Variants in SGCZ observed in about 807,000 individuals in gnomAD.
The protein encoded by SGCZ is sarcoglycan zeta.
A neutral mutation model predicts 41.3 loss-of-function variants in SGCZ; 40 were observed. The ratio of observed to expected loss-of-function variants is 0.97; its 90% CI spans 0.75 to 1.26. The LOEUF is 1.26. Among genes scored for constraint, SGCZ ranks in the 50% most tolerant of loss-of-function variants. The pLI, the probability that SGCZ is intolerant of heterozygous loss-of-function variation, is 0.00. For synonymous variants in SGCZ, 206 were observed against 137.5 expected (o/e 1.50, Z -3.49); for missense variants, 552 against 369.8 (o/e 1.49, Z -4.04).
chr8:14,368,693 G>C (rs935469071), intron 2 of SGCZ, among the ~76,000 whole-genome samples: 1 of 151,536 alleles, frequency 6.6e-6, no homozygotes, highest in African/African-American at 2.4e-5. Context: ...TGATGGTAAA[G>C]TGAACAGATA....
chr8:14,984,216 T>G (rs1585437486), intron 1 of SGCZ, among the ~76,000 whole-genome samples: 1 of 152,184 alleles, frequency 6.6e-6, no homozygotes, highest in Non-Finnish European at 1.5e-5. Context: ...CTCAAATTAT[T>G]TTGAAGTAAA....
chr8:15,022,917 G>C (rs1040199969), intron 1 of SGCZ, among the ~76,000 whole-genome samples: 14 of 152,196 alleles, frequency 9.2e-5, no homozygotes, highest in African/African-American at 3.4e-4. Flanking sequence ...CACAGCCAGT[G>C]TGTGGCAGAA....
intron 3 of SGCZ, among the ~76,000 whole-genome samples, chr8:14,260,569 C>A (rs1205776435): frequency 6.8e-6 from 1 of 148,134 alleles, no homozygotes; most frequent in Non-Finnish European, 1.5e-5. Context: ...ACTGGAAATA[C>A]CATTTGACCC....
intron 1 of SGCZ, among the ~76,000 whole-genome samples, chr8:14,711,470 C>T (rs532594726): frequency 5.1e-4 from 77 of 150,284 alleles, no homozygotes; most frequent in African/African-American, 1.1e-3. Flanking sequence ...GGCATGATGG[C>T]GCATGCCTGT....
intron 2 of SGCZ, among the ~76,000 whole-genome samples, chr8:14,541,880 A>G (rs1357948944): frequency 6.6e-6 from 1 of 152,174 alleles, no homozygotes; most frequent in Non-Finnish European, 1.5e-5. Flanking sequence ...TCCAATGACC[A>G]GTGATGATGA....
chr8:15,232,177 T>G (rs1276501436), intron 1 of SGCZ, among the ~76,000 whole-genome samples: 2 of 152,200 alleles, frequency 1.3e-5, no homozygotes, highest in Admixed American at 1.3e-4. Context: ...CAAATTGTAT[T>G]TTAGCTGAAA....
chr8:15,138,139 G>C (rs1448207494), intron 1 of SGCZ, among the ~76,000 whole-genome samples: 1 of 152,214 alleles, frequency 6.6e-6, no homozygotes, highest in Non-Finnish European at 1.5e-5. Context: ...TTTAACGAAT[G>C]CCTTACTGGA....
intron 1 of SGCZ, among the ~76,000 whole-genome samples, chr8:15,164,745 G>C (rs1430089299): frequency 6.6e-6 from 1 of 151,582 alleles, no homozygotes; most frequent in Non-Finnish European, 1.5e-5. Flanking sequence ...TGTGAGGCTA[G>C]TCTTGGGCTG....
At chr8:15,088,262 T>C (rs1405678098) in intron 1 of SGCZ, among the ~76,000 whole-genome samples, 4 of 152,164 alleles carry the variant, frequency 2.6e-5, no homozygotes, top group Admixed American at 2.6e-4. Flanking sequence ...AAAACTGAGA[T>C]TCAAGCTCTT....
intron 2 of SGCZ, among the ~76,000 whole-genome samples, chr8:14,410,088 G>C (rs6530772): frequency 6.6e-6 from 1 of 151,456 alleles, no homozygotes; most frequent in East Asian, 2.0e-4. Context: ...CAGGGGTGGC[G>C]TTAGATTCTT....
chr8:14,900,947 GTATT>G (rs1290725553), intron 1 of SGCZ, among the ~76,000 whole-genome samples: 1 of 152,080 alleles, frequency 6.6e-6, no homozygotes. Context: ...TACCTATAAA[GTATT>G]TATTTCTGTG....
chr8:14,848,607 A>T (rs1360512197), intron 1 of SGCZ, among the ~76,000 whole-genome samples: 2 of 152,232 alleles, frequency 1.3e-5, no homozygotes, highest in Non-Finnish European at 2.9e-5. Flanking sequence ...AAGAAGGATA[A>T]TCTTTCAACA....
chr8:14,802,808 C>T (rs1456173852), intron 1 of SGCZ, among the ~76,000 whole-genome samples: 1 of 152,066 alleles, frequency 6.6e-6, no homozygotes, highest in East Asian at 1.9e-4. Context: ...GCGAATGTTC[C>T]AAGAAATAGG....
intron 1 of SGCZ, among the ~76,000 whole-genome samples, chr8:15,039,353 A>T (rs948670540): frequency 1.2e-4 from 19 of 152,332 alleles, no homozygotes; most frequent in African/African-American, 4.1e-4. Context: ...ACATTATGTT[A>T]AGTGAAATCA....
At chr8:15,201,958 C>G (rs905796978) in intron 1 of SGCZ, among the ~76,000 whole-genome samples, 6 of 151,882 alleles carry the variant, frequency 4.0e-5, no homozygotes, top group Non-Finnish European at 5.9e-5. Context: ...AAGGGTTTAC[C>G]CATTAATGTA....
intron 1 of SGCZ, among the ~76,000 whole-genome samples, chr8:14,645,713 T>A (rs1420152169): frequency 6.6e-6 from 1 of 150,940 alleles, no homozygotes; most frequent in Admixed American, 6.6e-5. Flanking sequence ...TACACATACA[T>A]ACACACACAC....
chr8:14,282,743 T>A (rs1800488298), intron 3 of SGCZ, among the ~76,000 whole-genome samples: 1 of 152,118 alleles, frequency 6.6e-6, no homozygotes, highest in Admixed American at 6.5e-5. Context: ...GTCTTCCAAT[T>A]CTTTCATCCC....
intron 3 of SGCZ, among the ~76,000 whole-genome samples, chr8:14,301,742 T>G (rs28573375): frequency 0.012 from 1,759 of 152,294 alleles, 30 homozygotes; most frequent in African/African-American, 0.04. Flanking sequence ...TTGCAATTTT[T>G]GGAAACATGA....
chr8:14,487,760 C>T (rs543560809), intron 2 of SGCZ: 1 of 151,948 alleles, frequency 6.6e-6, no homozygotes, highest in Non-Finnish European at 1.5e-5. Context: ...TACCTCAGTG[C>T]TACTTTTTAA....
Sources: gnomAD v4.1 joint callset for allele counts (sites outside exome capture counted in the v4.1 genomes callset) on GRCh38, gnomAD v4.1.1 for gene constraint, MANE v1.5 for transcripts, NCBI Gene and HGNC (gene_info 2026-07-23, HGNC 2026-07-21) for gene names.